CXXC1: variants seen among roughly 807,000 people sequenced by gnomAD.
CXXC1 encodes CXXC-type zinc finger protein 1.
In CXXC1, 21 loss-of-function variants were observed where a neutral mutation model predicts 83.6. The observed-to-expected ratio is 0.25, with a 90% CI of 0.18 to 0.36. The LOEUF (loss-of-function observed/expected upper bound fraction) is 0.36, where lower values mean the gene tolerates loss of function less well. Among genes scored for constraint, CXXC1 ranks in the 10% least tolerant of loss-of-function variants. The pLI, the probability that CXXC1 is intolerant of heterozygous loss-of-function variation, is 1.00. For synonymous variants in CXXC1, 371 were observed against 337.5 expected (o/e 1.10, Z -1.09); for missense variants, 688 against 919.5 (o/e 0.75, Z 3.26).
Position 50,285,561 on chromosome 18 carries a change from G to C in CXXC1, c.639+188C>G. 1.0e-6 allele frequency: 1 copy of C among 956,662 alleles called. No individual in the cohort carries two copies. Among genetic ancestry groups the C allele is most frequent in the Non-Finnish European group, 1.5e-6 (1 of 650,492 alleles). The allele number at this position is 956,662 out of a possible 1,614,324, so 59.3% of individuals were successfully genotyped here. A position where few individuals can be genotyped will look rare whatever the true frequency, so the allele number is the denominator to read the frequency against. On this transcript the variant is annotated intron_variant, in intron 5 of 14. Coordinates refer to ENST00000285106, the MANE Select transcript of CXXC1 (RefSeq NM_014593.4). This position sits in a 1 kb window ranked among gnomAD's most constrained non-coding sequence, Gnocchi z 4.4. ...CCACTCTGTCTACCCAGGGTTGGTG[G>C]GGGTGTTCTGCCAGCCCAGCATACC...
chr18:50,285,518 A>G lies in CXXC1; in HGVS notation c.640-167T>C. On this transcript the variant is annotated intron_variant, in intron 5 of 14. Transcript: ENST00000285106. This position sits in a 1 kb window ranked among gnomAD's most constrained non-coding sequence, Gnocchi z 4.4. ...CTGATCTGTACCAACATGCATGACC[A>G]CCTGAAAACACCTGGCCCCACTCTG... The G allele has an allele frequency of 1.0e-6, 1 of 954,620 alleles. No individual in the cohort carries two copies. Among genetic ancestry groups the G allele is most frequent in the South Asian group, 1.7e-5 (1 of 58,420 alleles). 59.1% of individuals were successfully genotyped at this position (954,620 alleles called of 1,614,324 possible).
rs201271193 is a variant in CXXC1 at position 50,283,040 on chromosome 18, G to A, written c.1672-34C>T. 221 of 1,610,104 alleles carry A rather than the reference G, an allele frequency of 1.4e-4. No individual in the cohort carries two copies. The African/African-American group carries it at 1.8e-3, about 13-fold the overall frequency. Reference sequence around the variant, plus strand: ...AGGCCAGGTTGGGGGGATGAATAGCGGTGATAAGGGAGAATAGGAATGGGG... The same window carrying A: ...AGGCCAGGTTGGGGGGATGAATAGCAGTGATAAGGGAGAATAGGAATGGGG... On this transcript the variant is annotated intron_variant, in intron 13 of 14. Transcript: ENST00000285106.
At chr18:50,286,708 G>A in intron 2 of CXXC1, 32 bp downstream of exon 2, 2 of 1,608,580 alleles carry the variant, frequency 1.2e-6, no homozygotes, top group Admixed American at 1.7e-5. Flanking sequence ...CACCCTGCCA[G>A]TGTCAGCCCC....
intron 1 of CXXC1, 69 bp from the exon 2 acceptor site, chr18:50,286,927 T>C: frequency 1.8e-6 from 2 of 1,088,000 alleles, no homozygotes; most frequent in Non-Finnish European, 2.8e-6. Flanking sequence ...CCATTACAAC[T>C]CCACCGTGGT....
intron 13 of CXXC1, 66 bp downstream of exon 13, chr18:50,283,199 G>T: frequency 1.4e-6 from 2 of 1,380,344 alleles, no homozygotes; most frequent in Non-Finnish European, 2.1e-6. Flanking sequence ...AGGAAGGAAG[G>T]GATGAATGTG....
chr18:50,285,636 G>T lies in CXXC1; in HGVS notation c.639+113C>A. ...ATGACAGGCCCCTTCCCACCTGTCA[G>T]GATACAGTCAGGCCCAATCCCACCT... On this transcript the variant is annotated intron_variant, in intron 5 of 14. Coordinates refer to ENST00000285106, the MANE Select transcript of CXXC1 (RefSeq NM_014593.4). This position sits in a 1 kb window ranked among gnomAD's most constrained non-coding sequence, Gnocchi z 4.4. 2 of 1,345,014 alleles carry T rather than the reference G, an allele frequency of 1.5e-6. No individual in the cohort carries two copies. Among genetic ancestry groups the T allele is most frequent in the Non-Finnish European group, 2.1e-6 (2 of 971,162 alleles). 83.3% of individuals were successfully genotyped at this position (1,345,014 alleles called of 1,614,324 possible). A position where few individuals can be genotyped will look rare whatever the true frequency, so the allele number is the denominator to read the frequency against.
At position 50,285,589 on chromosome 18, in the gene CXXC1, G is replaced by T; in HGVS notation, c.639+160C>A. On this transcript the variant is annotated intron_variant, in intron 5 of 14. Transcript: ENST00000285106. This position sits in a 1 kb window ranked among gnomAD's most constrained non-coding sequence, Gnocchi z 4.4. Reference sequence around the variant, plus strand: ...GTGTTCTGCCAGCCCAGCATACCAGGTCATGCCCCATTCATCTGGACATGA... The same window carrying T: ...GTGTTCTGCCAGCCCAGCATACCAGTTCATGCCCCATTCATCTGGACATGA... The T allele has an allele frequency of 9.5e-7, 1 of 1,056,098 alleles. No homozygotes were observed. The highest frequency in any genetic ancestry group is 1.4e-6 in the Non-Finnish European group (1 of 730,994). 65.4% of individuals were successfully genotyped at this position (1,056,098 alleles called of 1,614,324 possible).
rs752001750 is a variant in CXXC1, at chr18:50,286,046, C to T, written c.435G>A (p.Gln145=). The T allele has an allele frequency of 6.2e-7, 1 of 1,613,916 alleles. No individual in the cohort carries two copies. The highest frequency in any genetic ancestry group is 1.1e-5 in the South Asian group (1 of 91,066). ...GSASPHKSSP[Q]PLVATPSQHH... ...CCTGGCTGGGTGTGGCCACCAAGGG[C>T]TGCGGAGAGGATTTGTGGGGCGAAG... The change falls in exon 4 of 15, where the codon CAG becomes CAA. Residue 145 remains glutamine (Q), a synonymous_variant. Coordinates refer to ENST00000285106, the MANE Select transcript of CXXC1 (RefSeq NM_014593.4).
chr18:50,286,062 T>G lies in CXXC1; in HGVS notation c.419A>C (p.His140Pro). The change falls in exon 4 of 15, where the codon CAC becomes CCC. Residue 140 changes from histidine to proline, a missense_variant. By Grantham distance (77) the His-to-Pro change is moderately conservative. Around this residue, in one of 9 missense-constraint regions of CXXC1, gnomAD observed 142 missense variants for 150.7 expected, o/e 0.94. Transcript: ENST00000285106. Reference sequence around the variant, plus strand: ...CACCAAGGGCTGCGGAGAGGATTTGTGGGGCGAAGCAGAGCCCCGAGCAAG... The same window carrying G: ...CACCAAGGGCTGCGGAGAGGATTTGGGGGGCGAAGCAGAGCCCCGAGCAAG... ...AMLARGSASPHKSSPQPLVAT... is the reference protein window; with the variant it reads ...AMLARGSASPPKSSPQPLVAT... 6.2e-7 allele frequency: 1 copy of G among 1,613,966 alleles called. No homozygotes were observed. Among genetic ancestry groups the G allele is most frequent in the Non-Finnish European group, 8.5e-7 (1 of 1,179,944 alleles).
Position 50,282,707 on chromosome 18 carries a change from C to G in CXXC1, c.1857G>C (p.Glu619Asp). The G allele has an allele frequency of 6.2e-7, 1 of 1,613,978 alleles. No homozygotes were observed. Among genetic ancestry groups the G allele is most frequent in the Non-Finnish European group, 8.5e-7 (1 of 1,180,042 alleles). Residue 619 changes from glutamate to aspartate, a missense_variant, in exon 15 of 15, where the codon GAG becomes GAC. Transcript: ENST00000285106. This position sits in a 1 kb window ranked among gnomAD's most constrained non-coding sequence, Gnocchi z 5.8. Reference sequence around the variant, plus strand: ...TTGTCATGGCTGTGCGCACATTGCGCTCCTGCTCAAACAGCTCGTCCAGCT... The same window carrying G: ...TTGTCATGGCTGTGCGCACATTGCGGTCCTGCTCAAACAGCTCGTCCAGCT... Reference protein sequence around the residue: ...WYKLDELFEQERNVRTAMTNR... With the variant: ...WYKLDELFEQDRNVRTAMTNR...
chr18:50,284,312 A>G (rs1222549954), intron 9 of CXXC1, 66 bp downstream of exon 9: 8 of 1,519,378 alleles, frequency 5.3e-6, no homozygotes, highest in South Asian at 1.3e-5. Flanking sequence ...GTAGACATAC[A>G]GAAGGCTGTG....
In CXXC1 at chr18:50,286,256, C is replaced by T; in HGVS notation, c.225G>A (p.Glu75=). ...AGCGAATCTCTAGCTTGGGGTCTTT[C>T]TCTGTGGGGCAGAGAGTAGGGCCAA... is the stretch of plus-strand genomic sequence containing the variant. ...IREWYCRECR[E]KDPKLEIRYR... The change falls in exon 4 of 15, where the codon GAG becomes GAA. Residue 75 remains glutamate, a splice_region_variant and synonymous_variant. Coordinates refer to ENST00000285106, the MANE Select transcript of CXXC1 (RefSeq NM_014593.4). The T allele has an allele frequency of 6.2e-7, 1 of 1,600,840 alleles. No homozygotes were observed. Among genetic ancestry groups the T allele is most frequent in the Non-Finnish European group, 8.5e-7 (1 of 1,175,288 alleles).
chr18:50,282,784 C>A lies in CXXC1; in HGVS notation c.1825-45G>T, dbSNP rs769397328. ...AGTCCTAAGCAGGAACACCTGCAGC[C>A]CCGCCTGCCCCGGCCACGTCCGACA... On this transcript the variant is annotated intron_variant, in intron 14 of 14. Coordinates refer to ENST00000285106, the MANE Select transcript of CXXC1 (RefSeq NM_014593.4). The surrounding 1 kb of genome is among the most constrained non-coding windows in gnomAD (Gnocchi z 5.8). 1.7e-5 allele frequency: 27 copies of A among 1,611,408 alleles called. No homozygotes were observed. The East Asian group carries it at 2.9e-4, about 17-fold the overall frequency.
At position 50,285,388 on chromosome 18, in the gene CXXC1, G is replaced by A; in HGVS notation, c.640-37C>T. On this transcript the variant is annotated intron_variant, in intron 5 of 14. Transcript: ENST00000285106. This position sits in a 1 kb window ranked among gnomAD's most constrained non-coding sequence, Gnocchi z 4.4. ...GGAGGAAGGCCCAGGTCAGCCCCAG[G>A]TGGATGGAGGGCGGCCTTGCCCTAG... The A allele has an allele frequency of 1.3e-6, 2 of 1,562,456 alleles. No homozygotes were observed. Among genetic ancestry groups the A allele is most frequent in the African/African-American group, 1.4e-5 (1 of 73,808 alleles).
intron 3 of CXXC1, 27 bp downstream of exon 3, chr18:50,286,512 C>T (rs776896733): frequency 1.3e-6 from 2 of 1,594,284 alleles, no homozygotes; most frequent in Admixed American, 3.3e-5. Flanking sequence ...GCCCCACCTG[C>T]CTTCCCTGTC....
chr18:50,287,306 A>C, intron 1 of CXXC1: 1 of 533,386 alleles, frequency 1.9e-6, no homozygotes, highest in Non-Finnish European at 3.4e-6. Context: ...ACTCAATGTG[A>C]CTCCTTACAA....
At position 50,285,312 on chromosome 18, in the gene CXXC1, G is replaced by A. The variant is rs1196939319; in HGVS notation, c.666+13C>T. 1 of 1,607,500 alleles carries A rather than the reference G, an allele frequency of 6.2e-7. No homozygotes were observed. Among genetic ancestry groups the A allele is most frequent in the East Asian group, 2.2e-5 (1 of 44,796 alleles). ...CCCGCATGCCCCACCCCACCCTGGG[G>A]GGCTGGACTCACCGAGGAAGGGAAG... On this transcript the variant is annotated intron_variant, in intron 6 of 14. Coordinates refer to ENST00000285106, the MANE Select transcript of CXXC1 (RefSeq NM_014593.4). This position sits in a 1 kb window ranked among gnomAD's most constrained non-coding sequence, Gnocchi z 4.4.
At position 50,285,613 on chromosome 18, in the gene CXXC1, G is replaced by C. The variant is rs541968361; in HGVS notation, c.639+136C>G. The C allele has an allele frequency of 2.5e-6, 3 of 1,193,084 alleles. No homozygotes were observed. Among genetic ancestry groups the C allele is most frequent in the African/African-American group, 3.0e-5 (2 of 66,112 alleles). 73.9% of individuals were successfully genotyped at this position (1,193,084 alleles called of 1,614,324 possible). ...GGTCATGCCCCATTCATCTGGACAT[G>C]ACAGGCCCCTTCCCACCTGTCAGGA... On this transcript the variant is annotated intron_variant, in intron 5 of 14. Coordinates refer to ENST00000285106, the MANE Select transcript of CXXC1 (RefSeq NM_014593.4). This position sits in a 1 kb window ranked among gnomAD's most constrained non-coding sequence, Gnocchi z 4.4.
chr18:50,286,878 C>T lies in CXXC1; in HGVS notation c.4-20G>A, dbSNP rs2076292548. On this transcript the variant is annotated intron_variant, in intron 1 of 14. Coordinates refer to ENST00000285106, the MANE Select transcript of CXXC1 (RefSeq NM_014593.4). ...TCCCTCCTGCAGGACACCCCCATTA[C>T]GGATCCTTAAGCAGCCCCCACCGTG... is the stretch of plus-strand genomic sequence containing the variant. The T allele has an allele frequency of 5.1e-6, 8 of 1,558,034 alleles. No homozygotes were observed. Among genetic ancestry groups the T allele is most frequent in the African/African-American group, 2.7e-5 (2 of 73,720 alleles).
Sources: allele counts gnomAD v4.1 joint callset, GRCh38; gene constraint gnomAD v4.1.1; regional missense constraint gnomAD v4.1.1; non-coding constraint Gnocchi (gnomAD v3.1); transcripts MANE v1.5; gene names NCBI Gene and HGNC (gene_info 2026-07-23, HGNC 2026-07-21).